PON1: variants seen among roughly 807,000 people sequenced by gnomAD.
The protein encoded by PON1 is serum paraoxonase/arylesterase 1.
A neutral mutation model predicts 39.2 loss-of-function variants in PON1; 37 were observed. That is an observed-to-expected ratio of 0.94 (90% CI 0.73 to 1.24). The LOEUF is 1.24. PON1 is among the 50% of genes most tolerant of loss of function. The pLI, the probability that PON1 is intolerant of heterozygous loss-of-function variation, is 0.00. For synonymous variants in PON1, 148 were observed against 152.2 expected, an observed-to-expected ratio of 0.97 and a Z score of 0.21; for missense variants, 397 against 413.5, an observed-to-expected ratio of 0.96 and a Z score of 0.35.
chr7:95,311,964 TAC>T (rs1031094608), intron 4 of PON1, among the ~76,000 whole-genome samples: 41 of 152,362 alleles, frequency 2.7e-4, no homozygotes, highest in African/African-American at 8.4e-4. Flanking sequence ...AGGTGTAATT[TAC>T]ACAGTGTGAG....
chr7:95,303,668 C>A (rs187901823), intron 7 of PON1, among the ~76,000 whole-genome samples: 1 of 152,206 alleles, frequency 6.6e-6, no homozygotes, highest in African/African-American at 2.4e-5. Flanking sequence ...GAAGTGCTGA[C>A]AGTCTAGCAG....
At chr7:95,322,271 T>TTATATATA (rs3046669) in intron 1 of PON1, among the ~76,000 whole-genome samples, 55 of 146,584 alleles carry the variant, frequency 3.8e-4, no homozygotes, top group African/African-American at 1.3e-3. Context: ...TGCCTGATTT[T>TTATATATA]TATATATATA....
chr7:95,306,356 T>C lies in PON1; in HGVS notation c.709A>G (p.Ile237Val). The change falls in exon 7 of 9, where the codon ATA (isoleucine) becomes GTA (valine). Residue 237 changes from isoleucine to valine, a missense_variant. Ile to Val is a conservative substitution (Grantham distance 29). Transcript: ENST00000222381. Reference sequence around the variant, plus strand: ...ATCTTATGAGCCAGCAACTCAGCTATATAGACATACCTTCAAAGAAGAAAG... The same window carrying C: ...ATCTTATGAGCCAGCAACTCAGCTACATAGACATACCTTCAAAGAAGAAAG... The part of the protein sequence containing the change: ...NISPDGKYVY[I>V]AELLAHKIHV... 2 of 1,608,314 alleles carry C rather than the reference T, an allele frequency of 1.2e-6. No individual in the cohort carries two copies. Among genetic ancestry groups the C allele is most frequent in the Non-Finnish European group, 1.7e-6 (2 of 1,175,004 alleles).
intron 4 of PON1, among the ~76,000 whole-genome samples, chr7:95,313,396 G>A (rs1310716746): frequency 6.6e-6 from 1 of 152,202 alleles, no homozygotes. Context: ...CCTTGGCAAA[G>A]CAACTGCAAA....
intron 5 of PON1, among the ~76,000 whole-genome samples, chr7:95,310,181 C>T (rs1489212075): frequency 1.3e-5 from 2 of 152,138 alleles, no homozygotes; most frequent in Non-Finnish European, 2.9e-5. Flanking sequence ...AACAATTAGT[C>T]CAGGCCTCAA....
chr7:95,313,360 C>G (rs1807695670), intron 4 of PON1, among the ~76,000 whole-genome samples: 1 of 152,188 alleles, frequency 6.6e-6, no homozygotes, highest in Non-Finnish European at 1.5e-5. Flanking sequence ...TATTACAGTG[C>G]TCCCACACAA....
Position 95,308,201 on chromosome 7 carries a change from T to C in PON1, c.508A>G (p.Ile170Val), listed in dbSNP as rs1379608375. Residue 170 changes from isoleucine (I) to valine (V), a missense_variant, in exon 6 of 9, where the codon ATT (isoleucine) becomes GTT (valine). By Grantham distance (29) the Ile-to-Val change is conservative. Coordinates refer to ENST00000222381, the MANE Select transcript of PON1 (RefSeq NM_000446.7). ...AAGTGCTCAGGTCCCACAGCAACAA[T>C]ATCATTCAAACTGCAATTAAAACAT... ...RHKLLPNLND[I>V]VAVGPEHFYG... 6.2e-7 allele frequency: 1 copy of C among 1,613,582 alleles called. No homozygotes were observed. Among genetic ancestry groups the C allele is most frequent in the Non-Finnish European group, 8.5e-7 (1 of 1,179,802 alleles).
chr7:95,304,171 A>T (rs919057797), intron 7 of PON1, among the ~76,000 whole-genome samples: 2 of 151,968 alleles, frequency 1.3e-5, no homozygotes, highest in African/African-American at 2.4e-5. Flanking sequence ...AGCAATCACC[A>T]TTCTATTCTA....
intron 8 of PON1, among the ~76,000 whole-genome samples, chr7:95,300,797 T>G (rs1414294562): frequency 2.0e-5 from 3 of 152,180 alleles, no homozygotes; most frequent in Admixed American, 2.0e-4. Context: ...TCTGCTCAGT[T>G]CTGAGCACTG....
Position 95,312,559 on chromosome 7 carries a change from C to T in PON1, c.371-982G>A, listed in dbSNP as rs532204672. On this transcript the variant is annotated intron_variant, in intron 4 of 8. Transcript: ENST00000222381. Reference sequence around the variant, plus strand: ...AACAGGATAAAAGAATAGAGAGTAACGAAGTATTATCTTCATGGGAGTCAG... The same window carrying T: ...AACAGGATAAAAGAATAGAGAGTAATGAAGTATTATCTTCATGGGAGTCAG... Among the ~76,000 whole-genome samples the T allele has an allele frequency of 8.5e-5, 13 of 152,294 alleles. No homozygotes were observed. In the South Asian group the frequency reaches 1.9e-3, roughly 22 times the overall value.
rs1056172548 is a variant in PON1, at chr7:95,311,672, A to T, written c.371-95T>A. 10 of 1,278,792 alleles carry T rather than the reference A, an allele frequency of 7.8e-6. No individual in the cohort carries two copies. The African/African-American group carries it at 1.5e-4, about 19-fold the overall frequency. 79.2% of individuals were successfully genotyped at this position (1,278,792 alleles called of 1,614,324 possible). A position where few individuals can be genotyped will look rare whatever the true frequency, so the allele number is the denominator to read the frequency against. ...CAATTTCAACCCACCTCCAGCTAGT[A>T]GTTAGGATGTCAGGCAGATGGAATA... On this transcript the variant is annotated intron_variant, in intron 4 of 8. Transcript: ENST00000222381.
chr7:95,322,216 CAT>C (rs1220193871), intron 1 of PON1, among the ~76,000 whole-genome samples: 5 of 151,586 alleles, frequency 3.3e-5, no homozygotes, highest in African/African-American at 1.2e-4. Flanking sequence ...TTTGAGATCA[CAT>C]ATGACAGCTA....
intron 3 of PON1, among the ~76,000 whole-genome samples, chr7:95,315,794 G>T (rs1386998699): frequency 6.6e-6 from 1 of 152,166 alleles, no homozygotes; most frequent in Non-Finnish European, 1.5e-5. Context: ...GACCAAAAAG[G>T]CAATTAATAA....
chr7:95,304,486 C>T (rs1807499863), intron 7 of PON1, among the ~76,000 whole-genome samples: 1 of 152,086 alleles, frequency 6.6e-6, no homozygotes, highest in Admixed American at 6.6e-5. Context: ...GCATGTGCCA[C>T]CATGTCTGGC....
chr7:95,301,020 CT>C (rs3216251), intron 8 of PON1, among the ~76,000 whole-genome samples: 14 of 148,672 alleles, frequency 9.4e-5, no homozygotes, highest in East Asian at 5.9e-4. Flanking sequence ...GGCTTTAACA[CT>C]TTTTTTTTTC....
rs772626843 is a variant in PON1, at chr7:95,302,254, T to C, written c.860A>G (p.Asn287Ser). Residue 287 changes from asparagine to serine, a missense_variant, in exon 8 of 9, where the codon AAT becomes AGT. Transcript: ENST00000222381. Reference protein sequence around the residue: ...TGDLWVGCHPNGMKIFFYDSE... With the variant: ...TGDLWVGCHPSGMKIFFYDSE... ...GTCATAGAAGAAGATTTTCATGCCA[T>C]TGGGATGGCATCCAACCCAAAGGTC... The C allele has an allele frequency of 4.3e-6, 7 of 1,612,350 alleles. No homozygotes were observed. The highest frequency in any genetic ancestry group is 4.0e-5 in the African/African-American group (3 of 74,866).
intron 4 of PON1, among the ~76,000 whole-genome samples, chr7:95,314,780 A>C (rs1807729270): frequency 6.6e-6 from 1 of 152,160 alleles, no homozygotes; most frequent in East Asian, 1.9e-4. Context: ...GCAAATGGAA[A>C]GGGAGAAAGG....
intron 1 of PON1, among the ~76,000 whole-genome samples, chr7:95,323,626 C>T (rs1048536745): frequency 3.9e-5 from 6 of 152,152 alleles, no homozygotes. Flanking sequence ...ACTTTTGATA[C>T]ATTCTTAAAA....
intron 8 of PON1, among the ~76,000 whole-genome samples, chr7:95,301,970 G>A (rs757658187): frequency 2.0e-5 from 3 of 150,710 alleles, no homozygotes; most frequent in Non-Finnish European, 3.0e-5. Context: ...GGTGGCATGC[G>A]CCTGTGGTCC....
Sources: gnomAD v4.1 joint callset for allele counts (sites outside exome capture counted in the v4.1 genomes callset) on GRCh38, gnomAD v4.1.1 for gene constraint, MANE v1.5 for transcripts, NCBI Gene and HGNC (gene_info 2026-07-23, HGNC 2026-07-21) for gene names.